Variants in MS4A6A observed in about 807,000 individuals in gnomAD.
The protein encoded by MS4A6A is membrane-spanning 4-domains subfamily A member 6A.
Under a neutral mutation model 20.6 loss-of-function variants are expected in MS4A6A, and 19 were observed. That is an observed-to-expected ratio of 0.92 (90% CI 0.64 to 1.36). The LOEUF is 1.36. Among genes scored for constraint, MS4A6A ranks in the 40% most tolerant of loss-of-function variants. MS4A6A has a pLI of 0.00. For missense variants in MS4A6A, 272 were observed against 261.1 expected (o/e 1.04, Z -0.29); for synonymous variants, 108 against 105.0 (o/e 1.03, Z -0.17).
At chr11:60,174,158 C>T (rs1447587255) in intron 5 of MS4A6A, among the ~76,000 whole-genome samples, 1 of 152,140 alleles carries the variant, frequency 6.6e-6, no homozygotes, top group Non-Finnish European at 1.5e-5. Flanking sequence ...TTTACTTGTA[C>T]TTTTTCTCAT....
intron 5 of MS4A6A, among the ~76,000 whole-genome samples, chr11:60,174,138 G>A (rs948138900): frequency 6.6e-6 from 1 of 152,146 alleles, no homozygotes; most frequent in African/African-American, 2.4e-5. Flanking sequence ...GCCAATTGCT[G>A]TCAGCCTCAT....
chr11:60,177,934 T>C, intron 4 of MS4A6A: 1 of 307,214 alleles, frequency 3.3e-6, no homozygotes, highest in Non-Finnish European at 6.1e-6. Context: ...TCAGCTTCCT[T>C]GCCACTGAAA....
intron 3 of MS4A6A, among the ~76,000 whole-genome samples, chr11:60,179,154 A>T (rs1856997962): frequency 6.6e-6 from 1 of 152,194 alleles, no homozygotes; most frequent in Admixed American, 6.5e-5. Context: ...TGTAAGAAAA[A>T]CAAATAGCTA....
downstream of MS4A6A, chr11:60,172,365 G>A: frequency 6.8e-7 from 1 of 1,481,216 alleles, no homozygotes; most frequent in Non-Finnish European, 8.9e-7. Flanking sequence ...TCCAAGATAA[G>A]TAGAGCATAT....
At chr11:60,181,867 A>G (rs939342910) in intron 1 of MS4A6A, 126 bp from the exon 2 acceptor site, 6 of 901,198 alleles carry the variant, frequency 6.7e-6, no homozygotes, top group Non-Finnish European at 8.6e-6. Flanking sequence ...AAAGAAACTG[A>G]TAGTATGGAA....
intron 3 of MS4A6A, chr11:60,179,376 A>G (rs879564653): frequency 2.9e-6 from 1 of 348,354 alleles, no homozygotes; most frequent in South Asian, 3.7e-5. Flanking sequence ...ATGCAGTAAA[A>G]GTATTTTCAA....
At chr11:60,179,248 T>A (rs1391098011) in intron 3 of MS4A6A, among the ~76,000 whole-genome samples, 1 of 152,188 alleles carries the variant, frequency 6.6e-6, no homozygotes, top group Non-Finnish European at 1.5e-5. Flanking sequence ...AGAAAGCAGT[T>A]CTCTGAGGAA....
chr11:60,179,865 A>G lies in MS4A6A; in HGVS notation c.248T>C (p.Leu83Ser). 1 of 1,614,190 alleles carries G rather than the reference A, an allele frequency of 6.2e-7. No individual in the cohort carries two copies. ...TCCTATGAATGGGTAAGCAGAGTTC[A>G]ACAGTGTAGAAGTCACTTGGGTAAA... is the stretch of plus-strand genomic sequence containing the variant. ...PNFTQVTSTL[L>S]NSAYPFIGPF... Residue 83 changes from leucine (L) to serine (S), a missense_variant, in exon 3 of 6, where the codon TTG (leucine) becomes TCG (serine). Leu to Ser is a moderately radical substitution (Grantham distance 145). Coordinates refer to ENST00000528851, the MANE Select transcript of MS4A6A (RefSeq NM_022349.4).
In MS4A6A at chr11:60,178,368, C is replaced by T. The variant is rs561068516; in HGVS notation, c.283-52G>A. ...TCAGATTCCATGTACAGAGTACCTT[C>T]GACGTCACTATCACAATGTTTATAG... is the stretch of plus-strand genomic sequence containing the variant. On this transcript the variant is annotated intron_variant, in intron 3 of 5. Coordinates refer to ENST00000528851, the MANE Select transcript of MS4A6A (RefSeq NM_022349.4). 7.7e-5 allele frequency: 110 copies of T among 1,425,148 alleles called. No homozygotes were observed. In the Middle Eastern group the frequency reaches 8.8e-4, roughly 11 times the overall value. The allele number at this position is 1,425,148 out of a possible 1,614,324, so 88.3% of individuals were successfully genotyped here.
At chr11:60,172,360 G>C, downstream of MS4A6A, 1 of 1,493,168 alleles carries the variant, frequency 6.7e-7, no homozygotes, top group Non-Finnish European at 8.9e-7. Flanking sequence ...GCTAATCCAA[G>C]ATAAGTAGAG....
At chr11:60,177,318 G>A (rs1220902176) in intron 4 of MS4A6A, 1 of 152,042 alleles carries the variant, frequency 6.6e-6, no homozygotes, top group African/African-American at 2.4e-5. Context: ...TCACTTCCTT[G>A]CTGGCTTTGG....
rs563878900 is a variant in MS4A6A at position 60,181,589 on chromosome 11, C to T, written c.139G>A (p.Val47Ile). Reference protein sequence around the residue: ...LKKHLHAEIKVIGTIQILCGM... With the variant: ...LKKHLHAEIKIIGTIQILCGM... ...TTCTGAATTAGATTTACCCCAATAA[C>T]TTTGATTTCTGCGTGTAGATGTTTC... The change falls in exon 2 of 6, where the codon GTT (valine) becomes ATT (isoleucine). Residue 47 changes from valine to isoleucine, a missense_variant. Val to Ile is a conservative substitution (Grantham distance 29). Coordinates refer to ENST00000528851, the MANE Select transcript of MS4A6A (RefSeq NM_022349.4). 4.3e-6 allele frequency: 7 copies of T among 1,614,048 alleles called. No individual in the cohort carries two copies. The highest frequency in any genetic ancestry group is 3.3e-5 in the Admixed American group (2 of 60,008).
At position 60,173,189 on chromosome 11, in the gene MS4A6A, G is replaced by A. The variant is rs144572323; in HGVS notation, c.550-60C>T. 4.2e-6 allele frequency: 6 copies of A among 1,443,124 alleles called. No individual in the cohort carries two copies. The African/African-American group carries it at 5.5e-5, about 13-fold the overall frequency. The allele number at this position is 1,443,124 out of a possible 1,614,324, so 89.4% of individuals were successfully genotyped here. A position where few individuals can be genotyped will look rare whatever the true frequency, so the allele number is the denominator to read the frequency against. On this transcript the variant is annotated intron_variant, in intron 5 of 5. Transcript: ENST00000528851. ...AGGTCAGCTGAAGCCTTCATGCCTA[G>A]TTGAGAGGTGACCATAGAGATGAAG...
At chr11:60,178,483 C>T (rs934634921) in intron 3 of MS4A6A, 167 bp from the exon 4 acceptor site, 1 of 507,808 alleles carries the variant, frequency 2.0e-6, no homozygotes, top group Admixed American at 3.8e-5. Flanking sequence ...GTCCATATAA[C>T]ATTCAGATAA....
chr11:60,172,459 T>C, downstream of MS4A6A: 8 of 1,269,656 alleles, frequency 6.3e-6, no homozygotes, highest in Non-Finnish European at 7.9e-6. Context: ...AATCAAGGCT[T>C]TTTAATTCAG....
At chr11:60,171,673 TTGCC>T (rs1317390663), downstream of MS4A6A, among the ~76,000 whole-genome samples, 1 of 152,214 alleles carries the variant, frequency 6.6e-6, no homozygotes, top group Admixed American at 6.5e-5. Flanking sequence ...TATATGGGGC[TTGCC>T]TTTATGCACT....
At chr11:60,182,924 T>C in intron 1 of MS4A6A, 54 bp downstream of exon 1, 1 of 1,141,006 alleles carries the variant, frequency 8.8e-7, no homozygotes, top group Non-Finnish European at 1.1e-6. Flanking sequence ...ACTCCTCTAA[T>C]GAGGTCACGG....
chr11:60,179,354 G>A (rs1857006810), intron 3 of MS4A6A: 2 of 280,324 alleles, frequency 7.1e-6, no homozygotes, highest in Non-Finnish European at 6.7e-6. Flanking sequence ...AGCCTTACCT[G>A]GGAATCAGTC....
chr11:60,183,927 A>T (rs1432982100), upstream of MS4A6A: 1 of 152,184 alleles, frequency 6.6e-6, no homozygotes, highest in African/African-American at 2.4e-5. Flanking sequence ...CCCCTTCAAA[A>T]CCTTGGGTGG....
Sources: gnomAD v4.1 joint callset for allele counts (sites outside exome capture counted in the v4.1 genomes callset) on GRCh38, gnomAD v4.1.1 for gene constraint, MANE v1.5 for transcripts, NCBI Gene and HGNC (gene_info 2026-07-23, HGNC 2026-07-21) for gene names.